Variants in VCAN observed in about 807,000 individuals in gnomAD.
VCAN encodes the protein versican core protein.
VCAN carries 44 observed loss-of-function variants against 245.5 expected under a neutral mutation model. That is an observed-to-expected ratio of 0.18 (90% CI 0.14 to 0.23). The LOEUF (loss-of-function observed/expected upper bound fraction) is 0.23. VCAN is among the 10% of genes least tolerant of loss of function. The pLI is 1.00. For synonymous variants in VCAN, 1,413 were observed against 1,437.0 expected (o/e 0.98, Z 0.38); for missense variants, 3,793 against 4,057.9 (o/e 0.93, Z 1.77).
At chr5:83,569,807 G>C (rs1467358679) in intron 12 of VCAN, among the ~76,000 whole-genome samples, 2 of 152,090 alleles carry the variant, frequency 1.3e-5, no homozygotes. Flanking sequence ...TTTGACCATA[G>C]AGAGTACCAA....
At chr5:83,473,967 T>G (rs1226300044) in intron 1 of VCAN, among the ~76,000 whole-genome samples, 1 of 152,052 alleles carries the variant, frequency 6.6e-6, no homozygotes, top group African/African-American at 2.4e-5. Flanking sequence ...GCGCCCTGGG[T>G]CCAGTTCGCC....
chr5:83,488,922 G>T (rs1744875900), intron 2 of VCAN, among the ~76,000 whole-genome samples: 1 of 152,086 alleles, frequency 6.6e-6, no homozygotes, highest in Non-Finnish European at 1.5e-5. Context: ...TCTTTAGCAA[G>T]ACAGTATTTT....
rs941889869 is a variant in VCAN, at chr5:83,483,703, G to C, written c.70+115G>C. On this transcript the variant is annotated intron_variant, in intron 2 of 14. Coordinates refer to ENST00000265077, the MANE Select transcript of VCAN (RefSeq NM_004385.5). ...AAGATTGATTTTTAAAATCTATTAA[G>C]TGCTGAAAACTATCAGTTAAAATAT... The C allele has an allele frequency of 8.4e-5, 84 of 1,004,168 alleles. 1 individual carries two copies. Among genetic ancestry groups the C allele is most frequent in the Non-Finnish European group, 6.2e-6 (4 of 648,188 alleles). 62.2% of individuals were successfully genotyped at this position (1,004,168 alleles called of 1,614,324 possible). A position where few individuals can be genotyped will look rare whatever the true frequency, so the allele number is the denominator to read the frequency against.
chr5:83,558,117 C>T (rs1325339589), intron 12 of VCAN, among the ~76,000 whole-genome samples: 2 of 152,104 alleles, frequency 1.3e-5, no homozygotes, highest in Non-Finnish European at 2.9e-5. Context: ...TTGTAACCAC[C>T]CTTTCCTCTA....
At chr5:83,550,923 A>T (rs1580058549) in intron 10 of VCAN, among the ~76,000 whole-genome samples, 1 of 128,962 alleles carries the variant, frequency 7.8e-6, no homozygotes, top group East Asian at 2.3e-4. Context: ...ATCAATGTGG[A>T]TAGTTGGCTT....
At position 83,542,169 on chromosome 5, in the gene VCAN, G is replaced by A. The variant is rs953528360; in HGVS notation, c.9166G>A (p.Ala3056Thr). 1 of 1,613,994 alleles carries A rather than the reference G, an allele frequency of 6.2e-7. No individual in the cohort carries two copies. Among genetic ancestry groups the A allele is most frequent in the African/African-American group, 1.3e-5 (1 of 74,922 alleles). The change falls in exon 8 of 15, where the codon GCA becomes ACA. Residue 3056 changes from alanine to threonine, a missense_variant. Physicochemically the swap from Ala to Thr is moderately conservative, Grantham distance 58. Coordinates refer to ENST00000265077, the MANE Select transcript of VCAN (RefSeq NM_004385.5). ...CCCTGTGGAATTTAATACTGAGGTT[G>A]CAACACCACCATTTTCCCTTCTGGA... ...VNPVEFNTEV[A>T]TPPFSLLETS...
chr5:83,474,752 A>G (rs1316764478), intron 1 of VCAN, among the ~76,000 whole-genome samples: 1 of 152,232 alleles, frequency 6.6e-6, no homozygotes, highest in Non-Finnish European at 1.5e-5. Context: ...GAGAGAGCCG[A>G]GTGGCCTCGC....
At chr5:83,488,269 A>G (rs940649537) in intron 2 of VCAN, among the ~76,000 whole-genome samples, 9 of 152,248 alleles carry the variant, frequency 5.9e-5, no homozygotes, top group African/African-American at 2.2e-4. Context: ...ATTTATTAAA[A>G]AGATCATGAA....
rs1392909335 is a variant in VCAN, at chr5:83,541,570, C to T, written c.8567C>T (p.Ser2856Leu). Residue 2856 changes from serine to leucine, a missense_variant, in exon 8 of 15, where the codon TCA becomes TTA. This residue lies in a region of VCAN where 3,182 missense variants were observed against 3,250.3 expected (regional missense o/e 0.98). Transcript: ENST00000265077. ...GCTCTGCCAGGAATAGACGTCGGCTCATCTGTAATGTCCCCACAGGATTCT... is the reference window on the plus strand; with the variant it reads ...GCTCTGCCAGGAATAGACGTCGGCTTATCTGTAATGTCCCCACAGGATTCT... ...PSALPGIDVG[S>L]SVMSPQDSFK... 1.2e-6 allele frequency: 2 copies of T among 1,613,920 alleles called. No homozygotes were observed. The highest frequency in any genetic ancestry group is 2.2e-5 in the South Asian group (2 of 91,082).
At chr5:83,556,640 T>C (rs1561268152) in intron 12 of VCAN, among the ~76,000 whole-genome samples, 2 of 152,188 alleles carry the variant, frequency 1.3e-5, no homozygotes, top group Non-Finnish European at 2.9e-5. Flanking sequence ...CTGCAATTGT[T>C]GCCTCTTTAT....
Position 83,541,436 on chromosome 5 carries a change from A to G in VCAN, c.8433A>G (p.Thr2811=). Residue 2811 remains threonine (T), a synonymous_variant, in exon 8 of 15, where the codon ACA becomes ACG. Coordinates refer to ENST00000265077, the MANE Select transcript of VCAN (RefSeq NM_004385.5). ...GSNPPYYTDT[T]LAVSTFAKLS... ...ATCCCCCATATTACACTGATACAAC[A>G]TTAGCAGTTTCAACATTTGCGAAGT... 1 of 1,614,096 alleles carries G rather than the reference A, an allele frequency of 6.2e-7. No individual in the cohort carries two copies. The highest frequency in any genetic ancestry group is 8.5e-7 in the Non-Finnish European group (1 of 1,179,998).
intron 13 of VCAN, among the ~76,000 whole-genome samples, chr5:83,576,948 C>T (rs1748507483): frequency 6.6e-6 from 1 of 152,008 alleles, no homozygotes; most frequent in Non-Finnish European, 1.5e-5. Context: ...TGTAGGAGTT[C>T]TTTTTATATT....
In VCAN at chr5:83,542,115, C is replaced by T. The variant is rs1313030226; in HGVS notation, c.9112C>T (p.Leu3038Phe). ...ASEQQVAARI[L>F]DSNDQATVNP... ...AGAACAGCAAGTGGCAGCGAGAATT[C>T]TTGATTCCAATGATCAGGCAACAGT... The change falls in exon 8 of 15, where the codon CTT becomes TTT. Residue 3038 changes from leucine to phenylalanine, a missense_variant. This residue lies in a region of VCAN where 3,182 missense variants were observed against 3,250.3 expected (regional missense o/e 0.98). Transcript: ENST00000265077. 4 of 1,614,068 alleles carry T rather than the reference C, an allele frequency of 2.5e-6. No homozygotes were observed. In the South Asian group the frequency reaches 4.4e-5, roughly 18 times the overall value.
At chr5:83,475,658 TAAAG>T (rs962363294) in intron 1 of VCAN, among the ~76,000 whole-genome samples, 3 of 152,156 alleles carry the variant, frequency 2.0e-5, no homozygotes, top group Non-Finnish European at 4.4e-5. Context: ...GAGCTCTGAG[TAAAG>T]AAAGAAATAT....
intron 1 of VCAN, among the ~76,000 whole-genome samples, chr5:83,472,797 A>G (rs1391870156): frequency 6.6e-6 from 1 of 152,064 alleles, no homozygotes; most frequent in Admixed American, 6.6e-5. Flanking sequence ...GGGTTGTTGG[A>G]GCCCCGCGGA....
intron 7 of VCAN, among the ~76,000 whole-genome samples, chr5:83,527,314 C>T (rs1461261701): frequency 6.6e-6 from 1 of 152,212 alleles, no homozygotes; most frequent in Admixed American, 6.5e-5. Flanking sequence ...TTTTGGAGCA[C>T]ATCTCTGAAA....
At chr5:83,575,358 G>A (rs180718322) in intron 13 of VCAN, among the ~76,000 whole-genome samples, 276 of 152,314 alleles carry the variant, frequency 1.8e-3, no homozygotes, top group Non-Finnish European at 3.4e-3. Flanking sequence ...CCTCTGCGAT[G>A]AGATTTGTAA....
In VCAN at chr5:83,521,172, A is replaced by G. The variant is rs575924792; in HGVS notation, c.2866A>G (p.Ser956Gly). Reference sequence around the variant, plus strand: ...AGAGGTGGAAGGATTAGCATTTGTTAGTTATAGTAGCACCCAAGAGCCTAC... The same window carrying G: ...AGAGGTGGAAGGATTAGCATTTGTTGGTTATAGTAGCACCCAAGAGCCTAC... ...TSEVEGLAFV[S>G]YSSTQEPTTY... is the part of the protein sequence containing the mutation. Residue 956 changes from serine to glycine, a missense_variant, in exon 7 of 15, where the codon AGT becomes GGT. Transcript: ENST00000265077. 1.2e-6 allele frequency: 2 copies of G among 1,613,478 alleles called. No individual in the cohort carries two copies. The highest frequency in any genetic ancestry group is 4.5e-5 in the East Asian group (2 of 44,864).
rs545986742 is a variant in VCAN at position 83,542,067 on chromosome 5, C to A, written c.9064C>A (p.Gln3022Lys). ...PETQAALIRG[Q>K]DSTIAASEQQ... Reference sequence around the variant, plus strand: ...AACTCAAGCAGCTTTAATCAGAGGGCAGGATTCCACGATAGCAGCATCAGA... The same window carrying A: ...AACTCAAGCAGCTTTAATCAGAGGGAAGGATTCCACGATAGCAGCATCAGA... Residue 3022 changes from glutamine to lysine, a missense_variant, in exon 8 of 15, where the codon CAG (glutamine) becomes AAG (lysine). Physicochemically the swap from Gln to Lys is moderately conservative, Grantham distance 53 (BLOSUM62 1). This residue lies in a region of VCAN where 3,182 missense variants were observed against 3,250.3 expected (regional missense o/e 0.98). Transcript: ENST00000265077. The A allele has an allele frequency of 6.2e-7, 1 of 1,613,384 alleles. No individual in the cohort carries two copies. Among genetic ancestry groups the A allele is most frequent in the African/African-American group, 1.3e-5 (1 of 75,016 alleles).
Sources: gnomAD v4.1 joint callset for allele counts (sites outside exome capture counted in the v4.1 genomes callset) on GRCh38, gnomAD v4.1.1 for gene constraint, gnomAD v4.1.1 regional missense constraint, MANE v1.5 for transcripts, NCBI Gene and HGNC (gene_info 2026-07-23, HGNC 2026-07-21) for gene names.